The following BCAS4 variants were observed in gnomAD, a reference collection of about 807,000 sequenced individuals.
BCAS4 encodes the protein breast carcinoma amplified sequence 4, also known as breast carcinoma-amplified sequence 4.
Under a neutral mutation model 15.7 loss-of-function variants are expected in BCAS4, and 9 were observed. The observed-to-expected ratio is 0.57, with a 90% CI of 0.34 to 1.00. The LOEUF (loss-of-function observed/expected upper bound fraction) is 1.00, where lower values mean the gene tolerates loss of function less well. BCAS4 is among the 50% of genes least tolerant of loss of function. The pLI is 0.02. For synonymous variants in BCAS4, 101 were observed against 99.5 expected (o/e 1.02, Z -0.09); for missense variants, 225 against 239.1 (o/e 0.94, Z 0.39).
At chr20:50,820,104 A>G (rs1474349343) in intron 2 of BCAS4, among the ~76,000 whole-genome samples, 1 of 152,070 alleles carries the variant, frequency 6.6e-6, no homozygotes, top group East Asian at 1.9e-4. Context: ...CGGCCTCCCA[A>G]AGTGCTGGGA....
At chr20:50,823,527 C>T (rs906799417) in intron 2 of BCAS4, among the ~76,000 whole-genome samples, 9 of 152,138 alleles carry the variant, frequency 5.9e-5, no homozygotes, top group South Asian at 4.1e-4. Flanking sequence ...TGATATTGAA[C>T]GAAAGAAGTC....
chr20:50,795,325 G>C (rs76593448), intron 1 of BCAS4, 152 bp downstream of exon 1: 25,212 of 688,418 alleles, frequency 0.037, 879 homozygotes, highest in African/African-American at 0.14. Context: ...GGGGCGCCAC[G>C]CAGAGATGTG....
intron 1 of BCAS4, among the ~76,000 whole-genome samples, chr20:50,817,950 T>A (rs1347532213): frequency 6.6e-6 from 1 of 152,040 alleles, no homozygotes; most frequent in Admixed American, 6.6e-5. Flanking sequence ...AGCTTTGTTA[T>A]TTCCTGTATT....
chr20:50,868,572 G>A (rs572788839), intron 4 of BCAS4, among the ~76,000 whole-genome samples: 1 of 152,266 alleles, frequency 6.6e-6, no homozygotes, highest in Admixed American at 6.5e-5. Context: ...ACAGGTGTGT[G>A]CCACCATGAC....
intron 1 of BCAS4, among the ~76,000 whole-genome samples, chr20:50,804,677 TC>T (rs2087969076): frequency 6.6e-6 from 1 of 152,218 alleles, no homozygotes; most frequent in South Asian, 2.1e-4. Flanking sequence ...TTTTAAATGT[TC>T]GTTACTGTTG....
intron 1 of BCAS4, among the ~76,000 whole-genome samples, chr20:50,801,256 G>A (rs1008932875): frequency 5.3e-5 from 8 of 152,184 alleles, no homozygotes; most frequent in African/African-American, 1.9e-4. Flanking sequence ...GTGAAACCCT[G>A]TCTCTACTAA....
At chr20:50,869,069 C>T (rs758617771) in intron 4 of BCAS4, among the ~76,000 whole-genome samples, 32 of 152,206 alleles carry the variant, frequency 2.1e-4, no homozygotes, top group Non-Finnish European at 3.7e-4. Context: ...CAGGACTCAG[C>T]GAAGCTGATG....
chr20:50,871,143 T>C (rs1979621143), intron 4 of BCAS4, among the ~76,000 whole-genome samples: 1 of 152,176 alleles, frequency 6.6e-6, no homozygotes, highest in South Asian at 2.1e-4. Context: ...GGTTTGAGTT[T>C]GCTGCTCCAT....
chr20:50,814,535 T>C (rs1049736920), intron 1 of BCAS4, among the ~76,000 whole-genome samples: 4 of 152,250 alleles, frequency 2.6e-5, no homozygotes, highest in Non-Finnish European at 5.9e-5. Context: ...TCCTCTGGCC[T>C]CAGCCTCCCA....
At chr20:50,871,305 G>T (rs1026814764) in intron 4 of BCAS4, among the ~76,000 whole-genome samples, 1 of 152,192 alleles carries the variant, frequency 6.6e-6, no homozygotes, top group Non-Finnish European at 1.5e-5. Flanking sequence ...AAGAGAGAAC[G>T]GGTGTGAAAG....
At chr20:50,840,211 T>G (rs2088459826) in intron 3 of BCAS4, among the ~76,000 whole-genome samples, 2 of 152,196 alleles carry the variant, frequency 1.3e-5, no homozygotes, top group Non-Finnish European at 2.9e-5. Flanking sequence ...ATTTTATTTA[T>G]TTTTAAGTTT....
intron 2 of BCAS4, among the ~76,000 whole-genome samples, chr20:50,827,373 C>T (rs184219824): frequency 1.1e-4 from 16 of 152,336 alleles, no homozygotes; most frequent in Admixed American, 5.2e-4. Flanking sequence ...ATCAGAGGGT[C>T]CCCGATGCCC....
chr20:50,833,751 A>G (rs904865831), intron 3 of BCAS4, among the ~76,000 whole-genome samples: 6 of 152,190 alleles, frequency 3.9e-5, no homozygotes, highest in Non-Finnish European at 5.9e-5. Flanking sequence ...CGTTTGCTGC[A>G]CTGTAGGCTG....
chr20:50,830,447 A>G, intron 3 of BCAS4, 67 bp downstream of exon 3: 1 of 1,350,194 alleles, frequency 7.4e-7, no homozygotes, highest in Non-Finnish European at 1.0e-6. Context: ...TTCCGCAAAG[A>G]CGCCGATCTG....
intron 4 of BCAS4, among the ~76,000 whole-genome samples, chr20:50,867,781 G>A (rs543463713): frequency 7.5e-4 from 114 of 152,346 alleles, no homozygotes; most frequent in African/African-American, 2.6e-3. Flanking sequence ...AGGTGTGGTG[G>A]CGCACGCGTG....
chr20:50,863,302 G>A (rs1277860301), intron 4 of BCAS4, among the ~76,000 whole-genome samples: 1 of 129,524 alleles, frequency 7.7e-6, no homozygotes, highest in Non-Finnish European at 1.5e-5. Context: ...CTGTCACCCA[G>A]GCTGGAGTAC....
intron 4 of BCAS4, among the ~76,000 whole-genome samples, chr20:50,869,331 G>C (rs944477353): frequency 6.6e-6 from 1 of 152,190 alleles, no homozygotes; most frequent in African/African-American, 2.4e-5. Context: ...AGGCTCAGAG[G>C]GGCTGGCCCA....
chr20:50,809,815 T>C (rs1487487752), intron 1 of BCAS4, among the ~76,000 whole-genome samples: 1 of 152,190 alleles, frequency 6.6e-6, no homozygotes, highest in African/African-American at 2.4e-5. Context: ...TGTAGAAGTC[T>C]TTCACCTCCT....
At chr20:50,818,772 C>T (rs1023060424) in intron 2 of BCAS4, among the ~76,000 whole-genome samples, 1 of 152,232 alleles carries the variant, frequency 6.6e-6, no homozygotes, top group Non-Finnish European at 1.5e-5. Context: ...TCCTTCTGTT[C>T]TCTCTGCTTT....
Sources: gnomAD v4.1 joint callset for allele counts (sites outside exome capture counted in the v4.1 genomes callset) on GRCh38, gnomAD v4.1.1 for gene constraint, MANE v1.5 for transcripts, NCBI Gene and HGNC (gene_info 2026-07-23, HGNC 2026-07-21) for gene names.